The following HDX variants were observed in gnomAD, a reference collection of about 807,000 sequenced individuals.
The protein encoded by HDX is highly divergent homeobox.
HDX carries 19 observed loss-of-function variants against 45.2 expected under a neutral mutation model. The ratio of observed to expected loss-of-function variants is 0.42; its 90% CI spans 0.29 to 0.62. The LOEUF (loss-of-function observed/expected upper bound fraction) is 0.62, where lower values mean the gene tolerates loss of function less well. Ranked by LOEUF, HDX falls within the 20% of genes least tolerant of loss-of-function variation. HDX has a pLI of 0.20. For synonymous variants in HDX, 188 were observed against 172.8 expected, an observed-to-expected ratio of 1.09 and a Z score of -0.69; for missense variants, 532 against 493.9, an observed-to-expected ratio of 1.08 and a Z score of -0.73.
At position 84,331,129 on chromosome X, in the gene HDX, C is replaced by G. The variant is rs193111045; in HGVS notation, c.1824+2630G>C. On this transcript the variant is annotated intron_variant, in intron 9 of 10. Transcript: ENST00000373177. ...ATTAATGACTGCCAAGTCTGAGGTG[C>G]TATTTTATGATGCAGTTACTCTTGC... Among the ~76,000 whole-genome samples, 296 of 111,505 alleles carry G rather than the reference C, an allele frequency of 2.7e-3. 2 individuals are homozygous for G. The highest frequency in any genetic ancestry group is 9.3e-3 in the African/African-American group (286 of 30,747).
intron 5 of HDX, among the ~76,000 whole-genome samples, chrX:84,437,700 T>C (rs2148053334): frequency 9.0e-6 from 1 of 110,906 alleles, no homozygotes; most frequent in African/African-American, 3.3e-5. Context: ...TGTCCTTCGG[T>C]GGAAAATGGA....
chrX:84,451,066 C>A (rs1250060509), intron 4 of HDX, among the ~76,000 whole-genome samples: 1 of 111,250 alleles, frequency 9.0e-6, no homozygotes, highest in East Asian at 2.8e-4. Context: ...AAGCAATAAA[C>A]GCCTAGATGA....
At chrX:84,342,140 G>GT (rs1417058155) in intron 7 of HDX, among the ~76,000 whole-genome samples, 1 of 111,282 alleles carries the variant, frequency 9.0e-6, no homozygotes, top group African/African-American at 3.3e-5. Context: ...ACTCATCTGA[G>GT]TTTCAGACTC....
chrX:84,455,213 C>G (rs1185125161), intron 4 of HDX, among the ~76,000 whole-genome samples: 1 of 111,704 alleles, frequency 9.0e-6, no homozygotes, highest in Non-Finnish European at 1.9e-5. Flanking sequence ...AAAACATGAC[C>G]TTGCTGAACT....
chrX:84,445,168 A>T (rs1483562491), intron 4 of HDX, among the ~76,000 whole-genome samples: 2 of 112,197 alleles, frequency 1.8e-5, no homozygotes, highest in Admixed American at 1.9e-4. Context: ...AGACCAACTT[A>T]TGAGGCTAGA....
intron 5 of HDX, among the ~76,000 whole-genome samples, chrX:84,414,392 T>A (rs1171115740): frequency 8.9e-6 from 1 of 111,740 alleles, no homozygotes; most frequent in East Asian, 2.8e-4. Flanking sequence ...GACTGCTTTC[T>A]CCAGGTTTGC....
At chrX:84,480,871 G>T (rs1183072755) in intron 2 of HDX, among the ~76,000 whole-genome samples, 1 of 111,130 alleles carries the variant, frequency 9.0e-6, no homozygotes, top group African/African-American at 3.3e-5. Flanking sequence ...GAGTTAGGAA[G>T]TATTTCCTTC....
At chrX:84,458,851 G>T (rs1039815317) in intron 4 of HDX, among the ~76,000 whole-genome samples, 1 of 110,863 alleles carries the variant, frequency 9.0e-6, no homozygotes, top group African/African-American at 3.3e-5. Context: ...ATTCCCTATT[G>T]GTGTCATACT....
At chrX:84,324,118 AC>A (rs942694973) in intron 10 of HDX, among the ~76,000 whole-genome samples, 1 of 111,884 alleles carries the variant, frequency 8.9e-6, no homozygotes, top group African/African-American at 3.2e-5. Flanking sequence ...GATTTAAATA[AC>A]AACAACAACA....
At chrX:84,464,075 G>A (rs992033932) in intron 4 of HDX, among the ~76,000 whole-genome samples, 7 of 111,247 alleles carry the variant, frequency 6.3e-5, no homozygotes, top group Admixed American at 2.9e-4. Flanking sequence ...TATAGTTTCA[G>A]CATGAGAAAC....
rs944655799 is a variant in HDX at position 84,462,820 on chromosome X, T to G, written c.1251+5652A>C. Among the ~76,000 whole-genome samples, 13 of 111,135 alleles carry G rather than the reference T, an allele frequency of 1.2e-4. No homozygotes were observed. In the Admixed American group the frequency reaches 1.2e-3, roughly 11 times the overall value. On this transcript the variant is annotated intron_variant, in intron 4 of 10. Coordinates refer to ENST00000373177, the MANE Select transcript of HDX (RefSeq NM_001177479.2). ...TTGAACAGATGTAATGAGTGAAAAA[T>G]CATAACTCATTCATGGATCAGAAAA...
intron 5 of HDX, among the ~76,000 whole-genome samples, chrX:84,397,415 G>GTCATCATGTGGTCTTC (rs1317777298): frequency 3.6e-5 from 4 of 111,887 alleles, no homozygotes; most frequent in African/African-American, 1.3e-4. Flanking sequence ...TTTGGGCAGT[G>GTCATCATGTGGTCTTC]TCATCATGTG....
intron 3 of HDX, among the ~76,000 whole-genome samples, chrX:84,473,659 G>A (rs1272594564): frequency 9.0e-6 from 1 of 110,529 alleles, no homozygotes; most frequent in Non-Finnish European, 1.9e-5. Flanking sequence ...AATCAAGTAA[G>A]TTATGAGAAG....
At chrX:84,424,748 G>A (rs749446019) in intron 5 of HDX, among the ~76,000 whole-genome samples, 24 of 111,093 alleles carry the variant, frequency 2.2e-4, no homozygotes, top group Non-Finnish European at 4.0e-4. Flanking sequence ...TGGGAAAACC[G>A]GATATGCATA....
chrX:84,410,852 T>G (rs1318055241), intron 5 of HDX, among the ~76,000 whole-genome samples: 2 of 111,572 alleles, frequency 1.8e-5, no homozygotes, highest in African/African-American at 6.5e-5. Context: ...GAATTCATTA[T>G]TGGTTTGTTT....
At chrX:84,349,570 T>C (rs1267582930) in intron 6 of HDX, among the ~76,000 whole-genome samples, 1 of 91,825 alleles carries the variant, frequency 1.1e-5, no homozygotes, top group Non-Finnish European at 2.1e-5. Context: ...GATGTATATA[T>C]ATGTGTATAT....
In HDX at chrX:84,475,303, T is replaced by C; in HGVS notation, c.95A>G (p.Gln32Arg). Residue 32 changes from glutamine to arginine, a missense_variant, in exon 3 of 11, where the codon CAG (glutamine) becomes CGG (arginine). Transcript: ENST00000373177. The part of the protein sequence containing the change: ...GMTNQSKNCF[Q>R]LILQCAQETK... ...CTCCTGTGCACACTGTAATATGAGCTGAAAGCAATTTTTACTTTGATTTGT... is the reference window on the plus strand; with the variant it reads ...CTCCTGTGCACACTGTAATATGAGCCGAAAGCAATTTTTACTTTGATTTGT... The C allele has an allele frequency of 7.5e-6, 9 of 1,195,807 alleles. No individual in the cohort carries two copies. Among genetic ancestry groups the C allele is most frequent in the Non-Finnish European group, 1.0e-5 (9 of 884,457 alleles).
intron 4 of HDX, among the ~76,000 whole-genome samples, chrX:84,453,208 C>G (rs1049970463): frequency 8.9e-6 from 1 of 112,087 alleles, no homozygotes; most frequent in Admixed American, 9.4e-5. Flanking sequence ...CTCAAGAATA[C>G]CAAACTGAAG....
intron 4 of HDX, among the ~76,000 whole-genome samples, chrX:84,464,528 C>T (rs1403856837): frequency 8.1e-5 from 9 of 111,141 alleles, no homozygotes; most frequent in African/African-American, 3.0e-4. Flanking sequence ...ACCACACATC[C>T]ACAACCATCT....
Sources: gnomAD v4.1 joint callset for allele counts (sites outside exome capture counted in the v4.1 genomes callset) on GRCh38, gnomAD v4.1.1 for gene constraint, MANE v1.5 for transcripts, NCBI Gene and HGNC (gene_info 2026-07-23, HGNC 2026-07-21) for gene names.